Variants in PLD5 observed in about 807,000 individuals in gnomAD.
PLD5 encodes the protein phospholipase D family member 5, also known as inactive phospholipase D5.
In PLD5, 36 loss-of-function variants were observed where a neutral mutation model predicts 61.1. The observed-to-expected ratio is 0.59, with a 90% CI of 0.45 to 0.78. The LOEUF is 0.78. Among genes scored for constraint, PLD5 ranks in the 30% least tolerant of loss-of-function variants. The probability of loss-of-function intolerance (pLI) is 0.00; values close to 1 mark genes in which losing one functional copy is unlikely to be tolerated. For synonymous variants in PLD5, 243 were observed against 242.8 expected, an observed-to-expected ratio of 1.00 and a Z score of -0.01; for missense variants, 515 against 644.4, an observed-to-expected ratio of 0.80 and a Z score of 2.17.
chr1:242,431,521 C>T (rs926790404), intron 1 of PLD5, among the ~76,000 whole-genome samples: 5 of 152,202 alleles, frequency 3.3e-5, no homozygotes, highest in African/African-American at 1.2e-4. Context: ...GTGCATGTGA[C>T]GCTTGCTCTT....
chr1:242,403,468 C>CTTTTT (rs199559256), intron 1 of PLD5, among the ~76,000 whole-genome samples: 1 of 139,020 alleles, frequency 7.2e-6, no homozygotes, highest in African/African-American at 2.7e-5. Flanking sequence ...CTTGGATAGG[C>CTTTTT]TTTTTTTTTT....
At chr1:242,525,534 T>C (rs1219046218), upstream of PLD5, among the ~76,000 whole-genome samples, 1 of 152,224 alleles carries the variant, frequency 6.6e-6, no homozygotes, top group Non-Finnish European at 1.5e-5. Flanking sequence ...AAATCTTCAA[T>C]CTCTTCATCT....
chr1:242,348,878 C>G (rs1355246760), intron 1 of PLD5, among the ~76,000 whole-genome samples: 2 of 152,116 alleles, frequency 1.3e-5, no homozygotes, highest in South Asian at 2.1e-4. Flanking sequence ...CACGGTGAAA[C>G]CCTGTCTCTA....
At chr1:242,121,099 GAATTA>G (rs1411037605) in intron 6 of PLD5, among the ~76,000 whole-genome samples, 3 of 152,102 alleles carry the variant, frequency 2.0e-5, no homozygotes, top group African/African-American at 7.2e-5. Flanking sequence ...CAAATATATT[GAATTA>G]AATTCATCTT....
chr1:242,464,511 T>C (rs923739730), intron 1 of PLD5, among the ~76,000 whole-genome samples: 1 of 152,124 alleles, frequency 6.6e-6, no homozygotes, highest in African/African-American at 2.4e-5. Context: ...AAAACCATAA[T>C]AGAAAATAAC....
intron 3 of PLD5, among the ~76,000 whole-genome samples, chr1:242,266,774 G>T (rs1202980437): frequency 2.6e-5 from 4 of 152,222 alleles, no homozygotes; most frequent in African/African-American, 9.6e-5. Flanking sequence ...AAGAGAGAAT[G>T]GTAGAAATGT....
chr1:242,433,978 C>T (rs1408667381), intron 1 of PLD5, among the ~76,000 whole-genome samples: 1 of 152,232 alleles, frequency 6.6e-6, no homozygotes, highest in Non-Finnish European at 1.5e-5. Context: ...ATTACATACG[C>T]TCTTGTAGCC....
At chr1:242,401,701 C>A (rs1481143292) in intron 1 of PLD5, among the ~76,000 whole-genome samples, 1 of 152,192 alleles carries the variant, frequency 6.6e-6, no homozygotes, top group Non-Finnish European at 1.5e-5. Context: ...TCAAATGTCA[C>A]CTCCTCGGAG....
At chr1:242,173,152 AC>A (rs1171458461) in intron 5 of PLD5, among the ~76,000 whole-genome samples, 1 of 152,060 alleles carries the variant, frequency 6.6e-6, no homozygotes, top group Non-Finnish European at 1.5e-5. Context: ...TATCTAGAAA[AC>A]CCCATCGTCT....
chr1:242,358,944 T>G (rs2342263), intron 1 of PLD5, among the ~76,000 whole-genome samples: 134,794 of 152,130 alleles, frequency 0.89, 61,155 homozygotes, highest in Non-Finnish European at 0.98. Context: ...GGTTTTCTCA[T>G]TCCCTGAGGA....
chr1:242,244,805 A>G (rs1441165525), intron 4 of PLD5, among the ~76,000 whole-genome samples: 1 of 152,240 alleles, frequency 6.6e-6, no homozygotes, highest in African/African-American at 2.4e-5. Flanking sequence ...TCATGAGCAG[A>G]CTTGGACAAA....
intron 5 of PLD5, among the ~76,000 whole-genome samples, chr1:242,196,561 T>C (rs866599649): frequency 6.6e-6 from 1 of 152,218 alleles, no homozygotes; most frequent in Non-Finnish European, 1.5e-5. Context: ...TACACACATA[T>C]ATAAATGCAT....
rs1177060273 is a variant in PLD5 at position 242,462,857 on chromosome 1, T to C, written c.189+61231A>G. Among the ~76,000 whole-genome samples the C allele has an allele frequency of 2.0e-5, 3 of 152,318 alleles. No homozygotes were observed. In the East Asian group the frequency reaches 5.8e-4, roughly 29 times the overall value. Reference sequence around the variant, plus strand: ...CCAATACTCCTCAGTGGCACCATTATCCACTGATTCCTGAGTCAATTCCTT... The same window carrying C: ...CCAATACTCCTCAGTGGCACCATTACCCACTGATTCCTGAGTCAATTCCTT... On this transcript the variant is annotated intron_variant, in intron 1 of 9. Coordinates refer to ENST00000536534, the MANE Select transcript of PLD5 (RefSeq NM_001372062.1).
chr1:242,205,051 T>C (rs915251534), intron 5 of PLD5, among the ~76,000 whole-genome samples: 2 of 152,200 alleles, frequency 1.3e-5, no homozygotes, highest in African/African-American at 4.8e-5. Context: ...GAATGGACTG[T>C]ATCTATGAAA....
chr1:242,361,179 A>T (rs1429661793), intron 1 of PLD5, among the ~76,000 whole-genome samples: 1 of 152,142 alleles, frequency 6.6e-6, no homozygotes, highest in East Asian at 1.9e-4. Context: ...GTTTAATTTT[A>T]TATTATTAAA....
intron 1 of PLD5, among the ~76,000 whole-genome samples, chr1:242,409,623 CA>C (rs1358308177): frequency 3.3e-5 from 5 of 152,126 alleles, no homozygotes; most frequent in Non-Finnish European, 7.4e-5. Context: ...GAGGGAAGGA[CA>C]GGGGGCTCCA....
intron 4 of PLD5, among the ~76,000 whole-genome samples, chr1:242,237,427 G>T (rs1315362357): frequency 1.3e-5 from 2 of 152,172 alleles, no homozygotes; most frequent in Non-Finnish European, 2.9e-5. Flanking sequence ...CCTGCTTTGT[G>T]ATAAGGGAGG....
chr1:242,449,311 C>G (rs768340808), intron 1 of PLD5: 2 of 1,535,934 alleles, frequency 1.3e-6, no homozygotes, highest in Non-Finnish European at 1.7e-6. Flanking sequence ...AATTCTTTCC[C>G]AGGTAACACA....
At chr1:242,279,976 T>C (rs1336039271) in intron 3 of PLD5, among the ~76,000 whole-genome samples, 2 of 152,196 alleles carry the variant, frequency 1.3e-5, no homozygotes, top group African/African-American at 4.8e-5. Context: ...GAGAGTCGTG[T>C]CCACTAAATT....
Sources: gnomAD v4.1 joint callset for allele counts (sites outside exome capture counted in the v4.1 genomes callset) on GRCh38, gnomAD v4.1.1 for gene constraint, MANE v1.5 for transcripts, NCBI Gene and HGNC (gene_info 2026-07-23, HGNC 2026-07-21) for gene names.